Variants in TRPA1 observed in about 807,000 individuals in gnomAD.
TRPA1 encodes the protein transient receptor potential cation channel subfamily A member 1, also known as ankyrin-like with transmembrane domains 1.
Under a neutral mutation model 131.3 loss-of-function variants are expected in TRPA1, and 129 were observed. The ratio of observed to expected loss-of-function variants is 0.98; its 90% CI spans 0.85 to 1.14. TRPA1 has a LOEUF of 1.14. Ranked by LOEUF, TRPA1 falls within the 50% of genes most tolerant of loss-of-function variation. The pLI is 0.00. For missense variants in TRPA1, 1,304 were observed against 1,354.2 expected, an observed-to-expected ratio of 0.96 and a Z score of 0.58; for synonymous variants, 441 against 451.7, an observed-to-expected ratio of 0.98 and a Z score of 0.30.
At chr8:72,023,758 A>C in intron 26 of TRPA1, 56 bp downstream of exon 26, 1 of 997,022 alleles carries the variant, frequency 1.0e-6, no homozygotes, top group Non-Finnish European at 1.6e-6. Context: ...TACATTGTGC[A>C]TTATTATTTA....
intron 18 of TRPA1, 101 bp from the exon 19 acceptor site, chr8:72,039,128 G>A: frequency 8.5e-7 from 1 of 1,174,714 alleles, no homozygotes; most frequent in South Asian, 1.3e-5. Context: ...CAGAAACCTT[G>A]TTGGTAAATT....
chr8:72,055,795 A>G lies in TRPA1; in HGVS notation c.1255T>C (p.Tyr419His), dbSNP rs1301357087. The change falls in exon 11 of 27, where the codon TAT (tyrosine) becomes CAT (histidine). Residue 419 changes from tyrosine (Y) to histidine (H), a missense_variant. Physicochemically the swap from Tyr to His is moderately conservative, Grantham distance 83. Transcript: ENST00000262209. ...EDNDGCTPLH[Y>H]ACRQGGPGSV... ...CCAGGGCCCCCCTGTCTACATGCAT[A>G]ATGTAGAGGAGTACACCCATCGTTG... 3 of 1,610,246 alleles carry G rather than the reference A, an allele frequency of 1.9e-6. No homozygotes were observed. The South Asian group carries it at 3.3e-5, about 18-fold the overall frequency.
upstream of TRPA1, among the ~76,000 whole-genome samples, chr8:72,078,032 T>C (rs1252954556): frequency 1.3e-5 from 2 of 151,758 alleles, no homozygotes; most frequent in African/African-American, 4.8e-5. Flanking sequence ...TTATTTAAAT[T>C]ATCAAGGAAA....
chr8:72,083,384 T>C, the TRPA1 span, among the ~76,000 whole-genome samples: 1 of 152,162 alleles, frequency 6.6e-6, no homozygotes, highest in Non-Finnish European at 1.5e-5. Context: ...CATTTTGGCT[T>C]ATAACTGGAC....
chr8:72,045,268 G>C (rs1298392175), intron 17 of TRPA1, among the ~76,000 whole-genome samples: 1 of 151,862 alleles, frequency 6.6e-6, no homozygotes, highest in African/African-American at 2.4e-5. Context: ...AAGCCTTGTA[G>C]GTTTAACTTG....
At chr8:72,051,710 T>C (rs1290853416) in intron 14 of TRPA1, among the ~76,000 whole-genome samples, 1 of 152,202 alleles carries the variant, frequency 6.6e-6, no homozygotes, top group Non-Finnish European at 1.5e-5. Flanking sequence ...CCCTCGTGCA[T>C]AACTATCAGT....
chr8:72,052,037 C>T (rs1016831836), intron 14 of TRPA1, among the ~76,000 whole-genome samples: 7 of 152,184 alleles, frequency 4.6e-5, no homozygotes, highest in Non-Finnish European at 8.8e-5. Context: ...GATAAATGCT[C>T]CATGATGTGA....
At chr8:72,024,172 A>C (rs544251870) in intron 25 of TRPA1, among the ~76,000 whole-genome samples, 1 of 152,304 alleles carries the variant, frequency 6.6e-6, no homozygotes, top group African/African-American at 2.4e-5. Flanking sequence ...GTTTAGAATG[A>C]GGCTTAGCTG....
Position 72,026,089 on chromosome 8 carries a change from G to C in TRPA1, c.2938-16C>G, listed in dbSNP as rs1007776403. 1.3e-6 allele frequency: 2 copies of C among 1,594,278 alleles called. No individual in the cohort carries two copies. The highest frequency in any genetic ancestry group is 2.2e-5 in the South Asian group (2 of 90,596). ...GAAGTTCCACCTAAAGTGCATTTTG[G>C]ATTTATTGATAGAATCATTAGTTAG... On this transcript the variant is annotated splice_polypyrimidine_tract_variant and intron_variant, in intron 24 of 26. Transcript: ENST00000262209.
rs1336919185 is a variant in TRPA1 at position 72,029,963 on chromosome 8, A to G, written c.2875T>C (p.Leu959=). The G allele has an allele frequency of 3.1e-6, 5 of 1,613,734 alleles. No individual in the cohort carries two copies. The African/African-American group carries it at 6.7e-5, about 22-fold the overall frequency. The change falls in exon 24 of 27, where the codon TTG becomes CTG. Residue 959 remains leucine (L), a synonymous_variant. Transcript: ENST00000262209. ...PIVLMNLLIG[L]AVGDIAEVQK... ...ACCTCAGCAATGTCGCCAACTGCCA[A>G]ACCAATCTGAAGTATGACACAAAAT... is the stretch of plus-strand genomic sequence containing the variant.
At chr8:72,076,378 A>G (rs1324670364), upstream of TRPA1, 2 of 151,872 alleles carry the variant, frequency 1.3e-5, no homozygotes, top group Admixed American at 1.3e-4. Flanking sequence ...TTTTACGTAC[A>G]GACAAGGGAA....
At chr8:72,033,858 G>T (rs200810966) in intron 22 of TRPA1, 32 bp from the exon 23 acceptor site, 3 of 1,597,456 alleles carry the variant, frequency 1.9e-6, no homozygotes, top group Non-Finnish European at 2.6e-6. Context: ...CAAATGAAAT[G>T]CAAAGTTTCT....
At chr8:72,043,547 T>C (rs1408954015) in intron 17 of TRPA1, among the ~76,000 whole-genome samples, 1 of 151,872 alleles carries the variant, frequency 6.6e-6, no homozygotes, top group East Asian at 1.9e-4. Flanking sequence ...GGGGAAGTTT[T>C]TAATTTTAAT....
At chr8:72,054,150 G>C in intron 12 of TRPA1, 3 of 427,718 alleles carry the variant, frequency 7.0e-6, no homozygotes, top group Non-Finnish European at 1.3e-5. Context: ...GGAGAAGTAC[G>C]CTTAGCATGT....
intron 23 of TRPA1, among the ~76,000 whole-genome samples, chr8:72,031,602 A>T (rs529636610): frequency 6.6e-6 from 1 of 151,914 alleles, no homozygotes; most frequent in Non-Finnish European, 1.5e-5. Flanking sequence ...AACAAAAAAA[A>T]AACAAAAAAA....
intron 25 of TRPA1, among the ~76,000 whole-genome samples, chr8:72,024,523 C>T (rs1001664599): frequency 1.3e-5 from 2 of 152,018 alleles, no homozygotes; most frequent in African/African-American, 4.8e-5. Context: ...AGGGAGGGGA[C>T]AGATCAAGGA....
At chr8:72,069,225 TA>T in intron 2 of TRPA1, 27 bp from the exon 3 acceptor site, 3 of 1,613,098 alleles carry the variant, frequency 1.9e-6, no homozygotes, top group Non-Finnish European at 1.7e-6. Context: ...GAATATGGAT[TA>T]AATTTTGCTT....
intron 15 of TRPA1, among the ~76,000 whole-genome samples, chr8:72,048,021 C>T (rs541619948): frequency 1.8e-4 from 27 of 150,016 alleles, no homozygotes; most frequent in African/African-American, 6.4e-4. Context: ...CCAAGCAACA[C>T]GGAGAGAGTA....
At chr8:72,067,759 C>T (rs1805965319) in intron 3 of TRPA1, among the ~76,000 whole-genome samples, 1 of 152,162 alleles carries the variant, frequency 6.6e-6, no homozygotes, top group South Asian at 2.1e-4. Flanking sequence ...GCACTTGGCT[C>T]ATGAATAATG....
Sources: gnomAD v4.1 joint callset for allele counts (sites outside exome capture counted in the v4.1 genomes callset) on GRCh38, gnomAD v4.1.1 for gene constraint, MANE v1.5 for transcripts, NCBI Gene and HGNC (gene_info 2026-07-23, HGNC 2026-07-21) for gene names.